Variants in ZBTB7C observed in about 807,000 individuals in gnomAD.
ZBTB7C encodes zinc finger and BTB domain containing 7C.
In ZBTB7C, 8 loss-of-function variants were observed where a neutral mutation model predicts 25.7. That is an observed-to-expected ratio of 0.31 (90% CI 0.18 to 0.56). ZBTB7C has a LOEUF of 0.56. ZBTB7C is among the 20% of genes least tolerant of loss of function. The pLI, the probability that ZBTB7C is intolerant of heterozygous loss-of-function variation, is 0.91. For missense variants in ZBTB7C, 824 were observed against 855.2 expected, an observed-to-expected ratio of 0.96 and a Z score of 0.46; for synonymous variants, 394 against 369.0, an observed-to-expected ratio of 1.07 and a Z score of -0.78.
Position 48,040,561 on chromosome 18 carries a change from T to C in ZBTB7C, c.547A>G (p.Ile183Val). 2 of 1,614,084 alleles carry C rather than the reference T, an allele frequency of 1.2e-6. No individual in the cohort carries two copies. The highest frequency in any genetic ancestry group is 1.7e-6 in the Non-Finnish European group (2 of 1,179,982). The change falls in exon 4 of 5, where the codon ATC becomes GTC. Residue 183 changes from isoleucine (I) to valine (V), a missense_variant. This residue lies in a region of ZBTB7C where 316 missense variants were observed against 299.2 expected (regional missense o/e 1.06). Coordinates refer to ENST00000590800, the MANE Select transcript of ZBTB7C (RefSeq NM_001318841.2). ...DQENLPDPQD[I>V]SCHQSPSKTD... ...TTGGAAGGGCTTTGGTGGCAGCTGA[T>C]GTCCTGGGGGTCAGGCAAGTTTTCT...
intron 3 of ZBTB7C, among the ~76,000 whole-genome samples, chr18:48,102,343 C>T (rs539344016): frequency 1.6e-4 from 25 of 152,170 alleles, no homozygotes; most frequent in Non-Finnish European, 3.5e-4. Context: ...GTAACAGGAT[C>T]GCTTAAGGCC....
intron 1 of ZBTB7C, among the ~76,000 whole-genome samples, chr18:48,373,733 G>A (rs1218882510): frequency 3.9e-5 from 6 of 152,194 alleles, no homozygotes; most frequent in African/African-American, 7.2e-5. Context: ...AGGTCAAGGC[G>A]GGCAGATCAC....
chr18:48,316,362 C>A (rs1188467160), intron 2 of ZBTB7C, among the ~76,000 whole-genome samples: 1 of 152,192 alleles, frequency 6.6e-6, no homozygotes, highest in East Asian at 1.9e-4. Context: ...CCTCCTCCAC[C>A]CCCAGCCCCT....
At chr18:48,269,030 G>A (rs149843612) in intron 2 of ZBTB7C, among the ~76,000 whole-genome samples, 4,405 of 141,986 alleles carry the variant, frequency 0.031, 106 homozygotes, top group African/African-American at 0.066. Flanking sequence ...GTACACTCTT[G>A]GCTCACTGCA....
chr18:48,115,042 A>T (rs1477353752), intron 3 of ZBTB7C, among the ~76,000 whole-genome samples: 1 of 152,320 alleles, frequency 6.6e-6, no homozygotes, highest in Non-Finnish European at 1.5e-5. Flanking sequence ...TTATCACCCC[A>T]AACAGAAACT....
At chr18:48,092,936 T>C (rs920164888) in intron 3 of ZBTB7C, among the ~76,000 whole-genome samples, 1 of 152,194 alleles carries the variant, frequency 6.6e-6, no homozygotes, top group Admixed American at 6.5e-5. Context: ...AGCCATGAAA[T>C]ACCCTGGTAT....
intron 3 of ZBTB7C, among the ~76,000 whole-genome samples, chr18:48,144,813 A>T (rs1486187329): frequency 6.6e-6 from 1 of 152,162 alleles, no homozygotes; most frequent in East Asian, 1.9e-4. Context: ...GATGAAACCC[A>T]GTGCTCCAGA....
At chr18:48,071,292 A>G (rs1397240534) in intron 3 of ZBTB7C, among the ~76,000 whole-genome samples, 1 of 152,218 alleles carries the variant, frequency 6.6e-6, no homozygotes, top group African/African-American at 2.4e-5. Flanking sequence ...ATTTTGAGTA[A>G]AGAAGCATGA....
intron 3 of ZBTB7C, chr18:48,148,460 T>C (rs570728534): frequency 2.2e-4 from 33 of 152,306 alleles, no homozygotes; most frequent in African/African-American, 7.0e-4. Flanking sequence ...AAATGATGCA[T>C]CAGATATGAC....
chr18:48,143,917 T>A (rs72922114), intron 3 of ZBTB7C, among the ~76,000 whole-genome samples: 3 of 152,142 alleles, frequency 2.0e-5, no homozygotes, highest in Non-Finnish European at 4.4e-5. Context: ...CCCTCTCCCC[T>A]ATTGCAGTCC....
intron 2 of ZBTB7C, among the ~76,000 whole-genome samples, chr18:48,207,183 T>TAACA (rs1354872544): frequency 4.6e-5 from 7 of 152,164 alleles, no homozygotes; most frequent in Non-Finnish European, 1.0e-4. Context: ...TGAGGATGTG[T>TAACA]AACAACTGGG....
intron 3 of ZBTB7C, among the ~76,000 whole-genome samples, chr18:48,047,582 G>A (rs2036523843): frequency 6.6e-6 from 1 of 152,132 alleles, no homozygotes; most frequent in African/African-American, 2.4e-5. Flanking sequence ...CATCCCCTGG[G>A]CCTCTGCCTT....
chr18:48,096,000 C>G (rs1419885854), intron 3 of ZBTB7C, among the ~76,000 whole-genome samples: 1 of 152,182 alleles, frequency 6.6e-6, no homozygotes, highest in Non-Finnish European at 1.5e-5. Context: ...AACCTCTCCT[C>G]AAAGCTGCCC....
intron 1 of ZBTB7C, among the ~76,000 whole-genome samples, chr18:48,359,029 A>AGG (rs2047041729): frequency 6.6e-6 from 1 of 152,086 alleles, no homozygotes; most frequent in Non-Finnish European, 1.5e-5. Flanking sequence ...TGAGCTCTGG[A>AGG]GGGCCTTGTA....
chr18:48,316,563 T>A (rs1022688625), intron 2 of ZBTB7C, among the ~76,000 whole-genome samples: 1 of 152,256 alleles, frequency 6.6e-6, no homozygotes, highest in Admixed American at 6.5e-5. Flanking sequence ...TGCCATGCCC[T>A]TGGCAATGAG....
chr18:48,219,866 G>A (rs78130179), intron 2 of ZBTB7C, among the ~76,000 whole-genome samples: 19,152 of 152,138 alleles, frequency 0.13, 1,568 homozygotes, highest in Non-Finnish European at 0.18. Flanking sequence ...GAGGGATGGA[G>A]GCTGAGAGAC....
At chr18:48,364,966 G>A (rs1222577114) in intron 1 of ZBTB7C, among the ~76,000 whole-genome samples, 1 of 152,198 alleles carries the variant, frequency 6.6e-6, no homozygotes, top group Non-Finnish European at 1.5e-5. Flanking sequence ...GATTCAGCAG[G>A]GCTAGAGTGG....
chr18:48,063,825 T>C (rs1443561849), intron 3 of ZBTB7C, among the ~76,000 whole-genome samples: 3 of 152,176 alleles, frequency 2.0e-5, no homozygotes, highest in South Asian at 4.1e-4. Context: ...GTAGAAATCA[T>C]GCCAAATGCC....
intron 3 of ZBTB7C, among the ~76,000 whole-genome samples, chr18:48,115,599 T>A (rs1330518504): frequency 3.3e-5 from 5 of 152,204 alleles, no homozygotes; most frequent in Non-Finnish European, 4.4e-5. Context: ...ATCTTGCTTA[T>A]TGGTTCATCT....
Sources: gnomAD v4.1 joint callset for allele counts (sites outside exome capture counted in the v4.1 genomes callset) on GRCh38, gnomAD v4.1.1 for gene constraint, gnomAD v4.1.1 regional missense constraint, MANE v1.5 for transcripts, NCBI Gene and HGNC (gene_info 2026-07-23, HGNC 2026-07-21) for gene names.